The following MYZAP variants were observed in gnomAD, a reference collection of about 807,000 sequenced individuals.
MYZAP encodes myocardial zonula adherens protein, also known as GRINL1A complex locus upstream.
Under a neutral mutation model 69.4 loss-of-function variants are expected in MYZAP, and 66 were observed. That is an observed-to-expected ratio of 0.95 (90% confidence interval 0.78 to 1.17). The LOEUF (loss-of-function observed/expected upper bound fraction) is 1.17, where lower values mean the gene tolerates loss of function less well. Among genes scored for constraint, MYZAP ranks in the 50% most tolerant of loss-of-function variants. The probability of loss-of-function intolerance (pLI) is 0.00; values close to 1 mark genes in which losing one functional copy is unlikely to be tolerated. For synonymous variants in MYZAP, 256 were observed against 205.9 expected (o/e 1.24, Z -2.09); for missense variants, 611 against 556.2 (o/e 1.10, Z -0.99).
At chr15:57,605,994 G>T (rs937250) in intron 2 of MYZAP, among the ~76,000 whole-genome samples, 1 of 151,882 alleles carries the variant, frequency 6.6e-6, no homozygotes, top group Non-Finnish European at 1.5e-5. Flanking sequence ...CACGAGATCA[G>T]AGGATAAAAT....
intron 3 of MYZAP, among the ~76,000 whole-genome samples, chr15:57,619,641 T>A (rs1267825185): frequency 6.6e-6 from 1 of 152,242 alleles, no homozygotes; most frequent in African/African-American, 2.4e-5. Context: ...TGTAAATCAC[T>A]GTGCCCGGCC....
chr15:57,684,338 T>C (rs2039587160), intron 12 of MYZAP, 64 bp from the exon 13 acceptor site: 1 of 1,008,510 alleles, frequency 9.9e-7, no homozygotes, highest in South Asian at 1.3e-5. Context: ...TGTCTTACCA[T>C]GTGAAGCATA....
chr15:57,650,389 G>C (rs2037669550), intron 10 of MYZAP, among the ~76,000 whole-genome samples: 1 of 152,270 alleles, frequency 6.6e-6, no homozygotes, highest in Admixed American at 6.5e-5. Flanking sequence ...AAATGGACAT[G>C]AGTTCCTGCT....
At chr15:57,632,683 A>G (rs1471568128) in intron 7 of MYZAP, 124 bp downstream of exon 7, 1 of 1,468,302 alleles carries the variant, frequency 6.8e-7, no homozygotes, top group Non-Finnish European at 9.1e-7. Flanking sequence ...TGGGTAAGGG[A>G]TCAAGGAATT....
At position 57,591,944 on chromosome 15, in the gene MYZAP, C is replaced by G; in HGVS notation, c.-91C>G. ...GAGGCTGCAAGTAGCCGGCGCCGTC[C>G]CGCGTCGCCCCCGCGCAGGGCGGGC... On this transcript the variant is annotated 5_prime_UTR_variant, in exon 1 of 13. Transcript: ENST00000267853. The G allele has an allele frequency of 1.7e-6, 2 of 1,184,594 alleles. No individual in the cohort carries two copies. The highest frequency in any genetic ancestry group is 2.1e-6 in the Non-Finnish European group (2 of 943,900). The allele number at this position is 1,184,594 out of a possible 1,614,324, so 73.4% of individuals were successfully genotyped here.
intron 2 of MYZAP, among the ~76,000 whole-genome samples, chr15:57,615,876 C>G (rs1426671433): frequency 6.6e-6 from 1 of 152,200 alleles, no homozygotes; most frequent in African/African-American, 2.4e-5. Context: ...CATCCCATCT[C>G]TTCCCAAGTG....
intron 4 of MYZAP, among the ~76,000 whole-genome samples, chr15:57,623,321 T>C (rs2035932206): frequency 6.6e-6 from 1 of 152,222 alleles, no homozygotes; most frequent in South Asian, 2.1e-4. Context: ...AGCAATTCTA[T>C]TCCTAGCATT....
intron 4 of MYZAP, among the ~76,000 whole-genome samples, chr15:57,624,465 G>A (rs575803849): frequency 3.0e-4 from 45 of 152,256 alleles, no homozygotes; most frequent in African/African-American, 1.1e-3. Flanking sequence ...TAGGAATGGG[G>A]CTGTATAAAC....
chr15:57,682,336 G>T (rs973692613), intron 12 of MYZAP, among the ~76,000 whole-genome samples: 2 of 152,232 alleles, frequency 1.3e-5, no homozygotes, highest in Admixed American at 1.3e-4. Flanking sequence ...CCACCTAATG[G>T]CAAGAGAAGC....
chr15:57,632,496 C>T lies in MYZAP; in HGVS notation c.741C>T (p.Ser247=), dbSNP rs1260765065. The part of the protein sequence containing the change: ...VMREMTKKLY[S]QYEEKLQEEQ... Reference sequence around the variant, plus strand: ...GAGAGATGACCAAGAAGCTGTACAGCCAGTATGAGGAGAAGCTGCAGGAAG... The same window carrying T: ...GAGAGATGACCAAGAAGCTGTACAGTCAGTATGAGGAGAAGCTGCAGGAAG... Residue 247 remains serine (S), a synonymous_variant, in exon 7 of 13, where the codon AGC becomes AGT. Transcript: ENST00000267853. 2 of 1,614,192 alleles carry T rather than the reference C, an allele frequency of 1.2e-6. No homozygotes were observed. The highest frequency in any genetic ancestry group is 1.7e-5 in the Admixed American group (1 of 60,030).
intron 11 of MYZAP, among the ~76,000 whole-genome samples, chr15:57,665,329 G>C (rs1038827240): frequency 6.6e-6 from 1 of 152,196 alleles, no homozygotes; most frequent in East Asian, 1.9e-4. Flanking sequence ...AGTTGGCCCC[G>C]ATATTTGCAG....
intron 1 of MYZAP, 129 bp downstream of exon 1, chr15:57,592,238 C>G: frequency 2.3e-6 from 2 of 851,168 alleles, no homozygotes; most frequent in Non-Finnish European, 3.1e-6. Context: ...GGGCTCAACT[C>G]CCCGGTCCTG....
intron 3 of MYZAP, among the ~76,000 whole-genome samples, chr15:57,619,729 T>A (rs540528292): frequency 5.9e-5 from 9 of 152,332 alleles, no homozygotes; most frequent in Admixed American, 3.3e-4. Flanking sequence ...ATTTTAATTT[T>A]CTTGTATTTT....
At chr15:57,651,128 C>G (rs1772401543) in intron 10 of MYZAP, among the ~76,000 whole-genome samples, 1 of 152,116 alleles carries the variant, frequency 6.6e-6, no homozygotes, top group African/African-American at 2.4e-5. Context: ...CCAAGGAGAG[C>G]CCTGGCTAGT....
At chr15:57,642,419 C>G (rs1463318578) in intron 10 of MYZAP, among the ~76,000 whole-genome samples, 3 of 152,294 alleles carry the variant, frequency 2.0e-5, no homozygotes, top group Admixed American at 6.5e-5. Flanking sequence ...TGAAATGAAT[C>G]TTGAACTCTG....
chr15:57,663,631 C>T (rs1396322056), intron 11 of MYZAP, among the ~76,000 whole-genome samples: 2 of 152,170 alleles, frequency 1.3e-5, no homozygotes, highest in Non-Finnish European at 2.9e-5. Context: ...TTAGCTGAGG[C>T]CTGCTCTGGG....
intron 11 of MYZAP, among the ~76,000 whole-genome samples, chr15:57,662,645 TG>T (rs1361495972): frequency 6.6e-6 from 1 of 152,240 alleles, no homozygotes; most frequent in Non-Finnish European, 1.5e-5. Flanking sequence ...GTATTATTGT[TG>T]TTCCCTCTTT....
intron 6 of MYZAP, 51 bp downstream of exon 6, chr15:57,629,905 C>G (rs749899064): frequency 6.3e-7 from 1 of 1,577,752 alleles, no homozygotes; most frequent in Non-Finnish European, 8.6e-7. Context: ...CTCCTCTTTA[C>G]TTCTCCCTTT....
rs563660118 is a variant in MYZAP at position 57,608,166 on chromosome 15, G to A, written c.162+3811G>A. ...GGATTTCCAGGGCCCTGTTAGAGCC[G>A]CACATGATGAGGGCAGCCTGGGCCT... On this transcript the variant is annotated intron_variant, in intron 2 of 12. Coordinates refer to ENST00000267853, the MANE Select transcript of MYZAP (RefSeq NM_001018100.5). Among the ~76,000 whole-genome samples the A allele has an allele frequency of 2.0e-3, 307 of 152,298 alleles. 1 individual carries two copies. The highest frequency in any genetic ancestry group is 6.8e-3 in the African/African-American group (284 of 41,566).
Sources: allele counts gnomAD v4.1 joint callset (sites outside exome capture counted in the v4.1 genomes callset), GRCh38; gene constraint gnomAD v4.1.1; transcripts MANE v1.5; gene names NCBI Gene and HGNC (gene_info 2026-07-23, HGNC 2026-07-21).